Variants in ARFGEF3 observed in about 807,000 individuals in gnomAD.
ARFGEF3 encodes brefeldin A-inhibited guanine nucleotide-exchange protein 3.
Under a neutral mutation model 221.7 loss-of-function variants are expected in ARFGEF3, and 96 were observed. The observed-to-expected ratio is 0.43, with a 90% CI of 0.37 to 0.51. The LOEUF is 0.51. ARFGEF3 is among the 20% of genes least tolerant of loss of function. ARFGEF3 has a pLI of 0.00. For missense variants in ARFGEF3, 2,410 were observed against 2,789.9 expected, an observed-to-expected ratio of 0.86 and a Z score of 3.07; for synonymous variants, 1,145 against 1,126.8, an observed-to-expected ratio of 1.02 and a Z score of -0.32.
chr6:138,245,509 G>C lies in ARFGEF3; in HGVS notation c.587-4G>C, dbSNP rs1286344179. 1 of 1,608,222 alleles carries C rather than the reference G, an allele frequency of 6.2e-7. No homozygotes were observed. The highest frequency in any genetic ancestry group is 8.5e-7 in the Non-Finnish European group (1 of 1,176,896). Reference sequence around the variant, plus strand: ...TCATGCCTGTAACCTCCTCTGTTTTGAAGGGTCAACAGTAGAGTCCCTCTG... The same window carrying C: ...TCATGCCTGTAACCTCCTCTGTTTTCAAGGGTCAACAGTAGAGTCCCTCTG... On this transcript the variant is annotated splice_region_variant and splice_polypyrimidine_tract_variant and intron_variant, in intron 7 of 33. Transcript: ENST00000251691.
intron 8 of ARFGEF3, among the ~76,000 whole-genome samples, chr6:138,248,359 C>A (rs1283376213): frequency 6.6e-6 from 1 of 152,084 alleles, no homozygotes. Flanking sequence ...GTACTTCCAG[C>A]TGTCGGGGGT....
At chr6:138,248,813 A>G (rs1778531653) in intron 8 of ARFGEF3, among the ~76,000 whole-genome samples, 2 of 152,208 alleles carry the variant, frequency 1.3e-5, no homozygotes, top group African/African-American at 4.8e-5. Context: ...CAACAAGAGC[A>G]AAACTCCGAA....
intron 5 of ARFGEF3, among the ~76,000 whole-genome samples, chr6:138,233,480 G>A (rs545562887): frequency 1.1e-4 from 16 of 152,140 alleles, no homozygotes; most frequent in East Asian, 3.9e-4. Context: ...GGGTTCAAGC[G>A]ATTCTCCTGC....
chr6:138,276,906 T>C (rs1160681063), intron 12 of ARFGEF3, among the ~76,000 whole-genome samples: 2 of 152,198 alleles, frequency 1.3e-5, no homozygotes, highest in Non-Finnish European at 2.9e-5. Context: ...ACTCAAGTGA[T>C]CTGCCTGCCT....
At chr6:138,179,154 G>T (rs1395577959) in intron 2 of ARFGEF3, among the ~76,000 whole-genome samples, 1 of 152,220 alleles carries the variant, frequency 6.6e-6, no homozygotes, top group Non-Finnish European at 1.5e-5. Context: ...CTAAAGGACT[G>T]AAGAACCTCC....
In ARFGEF3 at chr6:138,287,166, A is replaced by C; in HGVS notation, c.2878A>C (p.Ser960Arg). 1 of 1,564,218 alleles carries C rather than the reference A, an allele frequency of 6.4e-7. No individual in the cohort carries two copies. Among genetic ancestry groups the C allele is most frequent in the Non-Finnish European group, 8.7e-7 (1 of 1,154,052 alleles). The change falls in exon 17 of 34, where the codon AGT becomes CGT. Residue 960 changes from serine (S) to arginine (R), a missense_variant. Ser to Arg is a moderately radical substitution (Grantham distance 110). Coordinates refer to ENST00000251691, the MANE Select transcript of ARFGEF3 (RefSeq NM_020340.5). ...AGAAGAGAGGGAGGCCCAAGAACCC[A>C]GTGATGCCATCACACAAGGTAACAA... ...EKEEREAQEP[S>R]DAITQVKLKV... is the part of the protein sequence containing the mutation.
At chr6:138,177,617 A>C (rs1327382491) in intron 2 of ARFGEF3, among the ~76,000 whole-genome samples, 1 of 152,122 alleles carries the variant, frequency 6.6e-6, no homozygotes, top group African/African-American at 2.4e-5. Flanking sequence ...ATAATTTGTA[A>C]GTTTGATTGC....
At chr6:138,206,241 G>T (rs752511047) in intron 2 of ARFGEF3, among the ~76,000 whole-genome samples, 28 of 152,020 alleles carry the variant, frequency 1.8e-4, no homozygotes, top group Middle Eastern at 3.4e-3. Context: ...TAGAGTAGAT[G>T]CTTCTAACAG....
intron 4 of ARFGEF3, among the ~76,000 whole-genome samples, chr6:138,215,832 A>G: frequency 6.9e-6 from 1 of 145,858 alleles, no homozygotes; most frequent in African/African-American, 2.6e-5. Context: ...TAAGTTAGCT[A>G]ATCGGTCTGG....
chr6:138,254,024 C>T (rs760343736), intron 9 of ARFGEF3, 40 bp downstream of exon 9: 5 of 1,360,604 alleles, frequency 3.7e-6, no homozygotes, highest in Non-Finnish European at 5.0e-6. Context: ...TGATGCCAAC[C>T]CAAGGGCTGC....
chr6:138,170,168 T>C (rs1466362353), intron 1 of ARFGEF3, among the ~76,000 whole-genome samples: 6 of 152,228 alleles, frequency 3.9e-5, no homozygotes, highest in Admixed American at 6.5e-5. Flanking sequence ...ATCAATATCC[T>C]AACTATACTG....
intron 26 of ARFGEF3, 29 bp downstream of exon 26, chr6:138,313,968 T>A: frequency 6.2e-7 from 1 of 1,608,382 alleles, no homozygotes; most frequent in Non-Finnish European, 8.5e-7. Context: ...CTAAACTAGG[T>A]TATTTGCTGT....
At chr6:138,238,442 C>T in intron 5 of ARFGEF3, 67 bp from the exon 6 acceptor site, 1 of 1,541,938 alleles carries the variant, frequency 6.5e-7, no homozygotes, top group Non-Finnish European at 8.8e-7. Flanking sequence ...TCTGGTCAAT[C>T]CCAAAGAATG....
chr6:138,284,871 A>G (rs994752547), intron 14 of ARFGEF3, among the ~76,000 whole-genome samples: 20 of 152,230 alleles, frequency 1.3e-4, no homozygotes, highest in African/African-American at 4.8e-4. Context: ...GCTAGATGGT[A>G]TAGCCTATTG....
intron 1 of ARFGEF3, among the ~76,000 whole-genome samples, chr6:138,170,363 G>GT: frequency 6.6e-6 from 1 of 152,220 alleles, no homozygotes; most frequent in African/African-American, 2.4e-5. Flanking sequence ...TTGTATCTTA[G>GT]TTGTAACTAG....
At chr6:138,274,569 C>T (rs1473896828) in intron 12 of ARFGEF3, among the ~76,000 whole-genome samples, 3 of 151,778 alleles carry the variant, frequency 2.0e-5, no homozygotes, top group East Asian at 1.9e-4. Context: ...GAGGCCAAGG[C>T]GGGTGGATCC....
intron 4 of ARFGEF3, among the ~76,000 whole-genome samples, chr6:138,215,024 TTAG>T (rs2114506099): frequency 6.6e-6 from 1 of 152,362 alleles, no homozygotes; most frequent in African/African-American, 2.4e-5. Context: ...TGGAAATGGA[TTAG>T]TAGACTATTG....
chr6:138,266,971 GA>G (rs1778907619), intron 12 of ARFGEF3, among the ~76,000 whole-genome samples: 1 of 152,084 alleles, frequency 6.6e-6, no homozygotes, highest in Non-Finnish European at 1.5e-5. Flanking sequence ...TCCCAGCTGG[GA>G]ATATTCATAT....
chr6:138,301,474 G>T (rs908499635), intron 22 of ARFGEF3, among the ~76,000 whole-genome samples: 5 of 152,162 alleles, frequency 3.3e-5, no homozygotes, highest in Non-Finnish European at 7.4e-5. Flanking sequence ...GGAGAAGAGT[G>T]GGGAGAAGAC....
Sources: allele counts gnomAD v4.1 joint callset (sites outside exome capture counted in the v4.1 genomes callset), GRCh38; gene constraint gnomAD v4.1.1; transcripts MANE v1.5; gene names NCBI Gene and HGNC (gene_info 2026-07-23, HGNC 2026-07-21).